SRP72: variants seen among roughly 807,000 people sequenced by gnomAD.
SRP72 encodes signal recognition particle 72, also known as signal recognition particle subunit SRP72.
In SRP72, 49 loss-of-function variants were observed where a neutral mutation model predicts 96.3. That is an observed-to-expected ratio of 0.51 (90% CI 0.40 to 0.65). The LOEUF (loss-of-function observed/expected upper bound fraction) is 0.65, where lower values mean the gene tolerates loss of function less well. SRP72 is among the 30% of genes least tolerant of loss of function. SRP72 has a pLI of 0.00. For synonymous variants in SRP72, 267 were observed against 275.2 expected (o/e 0.97, Z 0.30); for missense variants, 736 against 793.3 (o/e 0.93, Z 0.87).
At chr4:56,467,857 A>AC (rs1180165947) in intron 1 of SRP72, 113 bp downstream of exon 1, 56 of 1,031,150 alleles carry the variant, frequency 5.4e-5, no homozygotes, top group Admixed American at 2.5e-4. Flanking sequence ...GACCCCCGAA[A>AC]CCCCCCCGTC....
intron 8 of SRP72, among the ~76,000 whole-genome samples, chr4:56,482,756 T>G (rs1720553696): frequency 6.6e-6 from 1 of 152,168 alleles, no homozygotes; most frequent in Non-Finnish European, 1.5e-5. Context: ...GTGCTGTCCC[T>G]TTTTTTCCTT....
At chr4:56,495,052 T>A (rs941912805) in intron 16 of SRP72, among the ~76,000 whole-genome samples, 1 of 152,244 alleles carries the variant, frequency 6.6e-6, no homozygotes, top group Non-Finnish European at 1.5e-5. Flanking sequence ...TAGTCATGCT[T>A]GTGCAAATTA....
At chr4:56,470,806 T>C (rs963311727) in intron 2 of SRP72, among the ~76,000 whole-genome samples, 5 of 151,860 alleles carry the variant, frequency 3.3e-5, no homozygotes, top group Non-Finnish European at 1.5e-5. Flanking sequence ...AAAAACATTT[T>C]GTCAATGAGT....
rs571949209 is a variant in SRP72 at position 56,467,660 on chromosome 4, G to A, written c.25G>A (p.Val9Met). Residue 9 changes from valine to methionine, a missense_variant, in exon 1 of 19, where the codon GTG becomes ATG. By Grantham distance (21) the Val-to-Met change is conservative. Around this residue, in one of 3 missense-constraint regions of SRP72, gnomAD observed 329 missense variants for 319.0 expected, o/e 1.03. Coordinates refer to ENST00000642900, the MANE Select transcript of SRP72 (RefSeq NM_006947.4). ...GATGGCGAGCGGCGGCAGCGGGGGG[G>A]TGTCAGTACCTGCGCTGTGGAGTGA... MASGGSGG[V>M]SVPALWSEVN... 15 of 1,560,092 alleles carry A rather than the reference G, an allele frequency of 9.6e-6. No homozygotes were observed. Among genetic ancestry groups the A allele is most frequent in the South Asian group, 1.2e-5 (1 of 85,384 alleles).
At chr4:56,486,212 G>T (rs1274711621) in intron 10 of SRP72, 113 bp from the exon 11 acceptor site, 2 of 732,372 alleles carry the variant, frequency 2.7e-6, no homozygotes, top group Non-Finnish European at 4.2e-6. Flanking sequence ...GCAGCCAGAA[G>T]TTTAATGTTT....
intron 8 of SRP72, among the ~76,000 whole-genome samples, chr4:56,482,814 T>C (rs568740320): frequency 2.8e-4 from 43 of 152,326 alleles, no homozygotes; most frequent in African/African-American, 9.4e-4. Flanking sequence ...AAAACAAATC[T>C]TGTTCTCCAT....
At chr4:56,484,925 TTGTAATAACCTACTAGCA>T in intron 10 of SRP72, 61 bp downstream of exon 10, 2 of 1,573,966 alleles carry the variant, frequency 1.3e-6, no homozygotes, top group Non-Finnish European at 1.7e-6. Context: ...TTTCATTGTG[TTGTAATAACCTACTAGCA>T]TGTAAATTTA....
rs1721323538 is a variant in SRP72 at position 56,503,101 on chromosome 4, A to T, written c.*1240A>T. The T allele has an allele frequency of 6.6e-6, 1 of 152,202 alleles. No homozygotes were observed. The highest frequency in any genetic ancestry group is 2.4e-5 in the African/African-American group (1 of 41,448). The allele number at this position is 152,202 out of a possible 1,614,324, so 9.4% of individuals were successfully genotyped here. A position where few individuals can be genotyped will look rare whatever the true frequency, so the allele number is the denominator to read the frequency against. ...TGCTGTGTTTGACTCTGAACATACT[A>T]CCAAAACTTCTTCAAAGAGTTTTTT... On this transcript the variant is annotated 3_prime_UTR_variant, in exon 19 of 19. Transcript: ENST00000642900.
Position 56,478,497 on chromosome 4 carries a change from A to G in SRP72, c.761A>G (p.Lys254Arg), listed in dbSNP as rs779375172. 4.3e-6 allele frequency: 7 copies of G among 1,613,978 alleles called. No individual in the cohort carries two copies. Among genetic ancestry groups the G allele is most frequent in the Non-Finnish European group, 5.9e-6 (7 of 1,179,960 alleles). The change falls in exon 7 of 19, where the codon AAA (lysine) becomes AGA (arginine). Residue 254 changes from lysine to arginine, a missense_variant. Lys to Arg is a conservative substitution (Grantham distance 26). Coordinates refer to ENST00000642900, the MANE Select transcript of SRP72 (RefSeq NM_006947.4). ...TTGCAACTTTACAATCAAATAATAA[A>G]ACTAAAGTGAGTTATTAAAAGGAAG... ...EALQLYNQII[K>R]LKPTDVGLLA...
At chr4:56,471,553 A>T (rs1719974847) in intron 2 of SRP72, among the ~76,000 whole-genome samples, 167 bp from the exon 3 acceptor site, 1 of 152,230 alleles carries the variant, frequency 6.6e-6, no homozygotes, top group Non-Finnish European at 1.5e-5. Flanking sequence ...TATATGTTTG[A>T]TTGATATACA....
At chr4:56,493,195 G>A (rs530514773) in intron 16 of SRP72, among the ~76,000 whole-genome samples, 153 of 151,726 alleles carry the variant, frequency 1.0e-3, no homozygotes, top group African/African-American at 3.4e-3. Context: ...CTGCCATCAC[G>A]CCTGGCTAAT....
intron 18 of SRP72, 31 bp from the exon 19 acceptor site, chr4:56,501,653 T>G: frequency 6.2e-7 from 1 of 1,604,416 alleles, no homozygotes; most frequent in Non-Finnish European, 8.5e-7. Flanking sequence ...GTTGAATATA[T>G]GAGTGACCAA....
rs1230835781 is a variant in SRP72 at position 56,474,092 on chromosome 4, G to T, written c.393G>T (p.Val131=). Reference sequence around the variant, plus strand: ...AACGCTATGATGAATGCTTAGCAGTGTATAGAGATCTCGTCCGAAACTCCC... The same window carrying T: ...AACGCTATGATGAATGCTTAGCAGTTTATAGAGATCTCGTCCGAAACTCCC... ...RLERYDECLA[V]YRDLVRNSQD... Residue 131 remains valine (V), a synonymous_variant, in exon 4 of 19, where the codon GTG becomes GTT. Transcript: ENST00000642900. The T allele has an allele frequency of 6.2e-7, 1 of 1,614,096 alleles. No individual in the cohort carries two copies. The highest frequency in any genetic ancestry group is 1.3e-5 in the African/African-American group (1 of 75,044).
At chr4:56,484,302 G>A (rs1236844144) in intron 9 of SRP72, among the ~76,000 whole-genome samples, 1 of 151,854 alleles carries the variant, frequency 6.6e-6, no homozygotes, top group Non-Finnish European at 1.5e-5. Context: ...TCAAAGTCCT[G>A]GGATTACAGG....
At position 56,481,085 on chromosome 4, in the gene SRP72, G is replaced by A. The variant is rs529746232; in HGVS notation, c.826-2054G>A. 3.9e-5 allele frequency among the ~76,000 whole-genome samples: 6 copies of A among 152,292 alleles called. No homozygotes were observed. The South Asian group carries it at 1.2e-3, about 32-fold the overall frequency. On this transcript the variant is annotated intron_variant, in intron 8 of 18. Transcript: ENST00000642900. Reference sequence around the variant, plus strand: ...GCAGTGACGTGCACAATTAATTGAAGTATTAAAATTGCGACATGAGAGAAC... The same window carrying A: ...GCAGTGACGTGCACAATTAATTGAAATATTAAAATTGCGACATGAGAGAAC...
intron 15 of SRP72, among the ~76,000 whole-genome samples, chr4:56,490,875 G>T (rs1003158673): frequency 5.3e-5 from 8 of 152,178 alleles, no homozygotes; most frequent in African/African-American, 1.7e-4. Context: ...AGTCAAAAGG[G>T]TATGGCCTCT....
rs1374006130 is a variant in SRP72 at position 56,503,252 on chromosome 4, C to CT, written c.*1398dup. 6.6e-6 allele frequency: 1 copy of CT among 151,960 alleles called. No individual in the cohort carries two copies. The highest frequency in any genetic ancestry group is 6.6e-5 in the Admixed American group (1 of 15,238). The allele number at this position is 151,960 out of a possible 1,614,324, so 9.4% of individuals were successfully genotyped here. On this transcript the variant is annotated 3_prime_UTR_variant, in exon 19 of 19. Transcript: ENST00000642900. ...AAAAATTATGTATTGTGGCATAATCCTTTTTTTGAGCTCTACAGAGAACAG... is the reference window on the plus strand; with the variant it reads ...AAAAATTATGTATTGTGGCATAATCCTTTTTTTTGAGCTCTACAGAGAACAG...
chr4:56,483,326 AG>A, intron 9 of SRP72, 56 bp downstream of exon 9: 1 of 1,488,684 alleles, frequency 6.7e-7, no homozygotes, highest in African/African-American at 1.4e-5. Flanking sequence ...GTATATGAGG[AG>A]TAATAGGGAT....
At chr4:56,474,483 T>A (rs755161840) in intron 5 of SRP72, 92 bp downstream of exon 5, 5 of 1,104,824 alleles carry the variant, frequency 4.5e-6, no homozygotes, top group Admixed American at 5.3e-5. Context: ...TGTGAAATTA[T>A]TAAATGGAAG....
Sources: allele counts gnomAD v4.1 joint callset (sites outside exome capture counted in the v4.1 genomes callset), GRCh38; gene constraint gnomAD v4.1.1; regional missense constraint gnomAD v4.1.1; transcripts MANE v1.5; gene names NCBI Gene and HGNC (gene_info 2026-07-23, HGNC 2026-07-21).